The following RANBP17 variants were observed in gnomAD, a reference collection of about 807,000 sequenced individuals.
RANBP17 encodes the protein ran-binding protein 17.
A neutral mutation model predicts 141.2 loss-of-function variants in RANBP17; 158 were observed. The observed-to-expected ratio is 1.12, with a 90% CI of 0.98 to 1.28. The LOEUF (loss-of-function observed/expected upper bound fraction) is 1.28, where lower values mean the gene tolerates loss of function less well. Ranked by LOEUF, RANBP17 falls within the 50% of genes most tolerant of loss-of-function variation. RANBP17 has a pLI of 0.00. For missense variants in RANBP17, 1,438 were observed against 1,290.7 expected (o/e 1.11, Z -1.75); for synonymous variants, 430 against 450.0 (o/e 0.96, Z 0.56).
At chr5:170,917,493 G>A (rs79717145) in intron 9 of RANBP17, among the ~76,000 whole-genome samples, 1 of 152,138 alleles carries the variant, frequency 6.6e-6, no homozygotes, top group African/African-American at 2.4e-5. Context: ...ATTTTTAAAG[G>A]TTAAATGATT....
intron 13 of RANBP17, among the ~76,000 whole-genome samples, chr5:170,967,042 A>C (rs1040280366): frequency 1.3e-5 from 2 of 152,202 alleles, no homozygotes; most frequent in Admixed American, 1.3e-4. Flanking sequence ...ATGAAATAAA[A>C]GAGGATACAA....
At position 171,088,816 on chromosome 5, in the gene RANBP17, G is replaced by C. The variant is rs563839795; in HGVS notation, c.1711-81314G>C. On this transcript the variant is annotated intron_variant, in intron 14 of 27. Coordinates refer to ENST00000523189, the MANE Select transcript of RANBP17 (RefSeq NM_022897.5). ...CGAGCCTTGGTTTTCAGCTCCATCA[G>C]CTCCTTTAAGTACTTCTCTTTATTG... is the stretch of plus-strand genomic sequence containing the variant. Among the ~76,000 whole-genome samples the C allele has an allele frequency of 2.0e-5, 3 of 152,188 alleles. 1 individual carries two copies. In the South Asian group the frequency reaches 6.2e-4, roughly 32 times the overall value.
chr5:171,159,598 G>C (rs1302626024), intron 14 of RANBP17, among the ~76,000 whole-genome samples: 1 of 152,050 alleles, frequency 6.6e-6, no homozygotes, highest in Non-Finnish European at 1.5e-5. Context: ...TAGTGTTCTG[G>C]ACCCCCGTGT....
intron 20 of RANBP17, among the ~76,000 whole-genome samples, chr5:171,212,751 G>A (rs1469964664): frequency 2.0e-5 from 3 of 152,154 alleles, no homozygotes; most frequent in African/African-American, 7.2e-5. Flanking sequence ...CTTGAGGATT[G>A]GGAAAAGAAA....
chr5:171,246,945 G>C (rs1765247324), intron 24 of RANBP17, among the ~76,000 whole-genome samples: 1 of 152,074 alleles, frequency 6.6e-6, no homozygotes, highest in South Asian at 2.1e-4. Context: ...TATTCTACTT[G>C]GTTGTAAGCT....
At chr5:171,168,180 C>T (rs1759834655) in intron 14 of RANBP17, among the ~76,000 whole-genome samples, 2 of 152,102 alleles carry the variant, frequency 1.3e-5, no homozygotes, top group South Asian at 4.1e-4. Flanking sequence ...GTGAAAAGCG[C>T]CATGACAGAG....
intron 5 of RANBP17, among the ~76,000 whole-genome samples, chr5:170,896,600 CA>C (rs1367328194): frequency 6.6e-6 from 1 of 152,102 alleles, no homozygotes; most frequent in Non-Finnish European, 1.5e-5. Flanking sequence ...GAGACTGAGG[CA>C]GGGGGATCAC....
chr5:170,943,809 C>T (rs181248543), intron 12 of RANBP17, among the ~76,000 whole-genome samples: 4 of 151,982 alleles, frequency 2.6e-5, no homozygotes, highest in Non-Finnish European at 5.9e-5. Flanking sequence ...AAATACGTAG[C>T]GAAATGACTA....
At chr5:171,094,962 A>G (rs1454793565) in intron 14 of RANBP17, among the ~76,000 whole-genome samples, 2 of 152,156 alleles carry the variant, frequency 1.3e-5, no homozygotes, top group African/African-American at 4.8e-5. Flanking sequence ...TGGGTTGAAT[A>G]AAGTAAGTCC....
intron 1 of RANBP17, among the ~76,000 whole-genome samples, chr5:170,873,829 G>C (rs372755201): frequency 1.3e-5 from 2 of 151,808 alleles, no homozygotes; most frequent in South Asian, 4.1e-4. Context: ...AGGATTTTTC[G>C]TGTCTCTATC....
At chr5:171,054,558 A>G (rs1219253486) in intron 14 of RANBP17, among the ~76,000 whole-genome samples, 1 of 152,144 alleles carries the variant, frequency 6.6e-6, no homozygotes, top group Non-Finnish European at 1.5e-5. Context: ...AGCAGGGGTC[A>G]CTTTTATCAC....
chr5:171,147,014 G>T, intron 14 of RANBP17, among the ~76,000 whole-genome samples: 1 of 152,156 alleles, frequency 6.6e-6, no homozygotes, highest in Non-Finnish European at 1.5e-5. Flanking sequence ...TAGTAAATAT[G>T]TGTAAATTAC....
At chr5:170,986,335 G>C (rs1279726006) in intron 14 of RANBP17, among the ~76,000 whole-genome samples, 2 of 151,950 alleles carry the variant, frequency 1.3e-5, no homozygotes, top group African/African-American at 2.4e-5. Flanking sequence ...AGCATGTTTA[G>C]ATCTTTTTTG....
At chr5:171,290,453 T>G (rs780263613) in intron 25 of RANBP17, among the ~76,000 whole-genome samples, 3 of 152,142 alleles carry the variant, frequency 2.0e-5, no homozygotes, top group Non-Finnish European at 4.4e-5. Flanking sequence ...TGCTTGTGCT[T>G]TACATCCCAT....
intron 11 of RANBP17, among the ~76,000 whole-genome samples, chr5:170,920,677 C>A (rs1174541400): frequency 6.6e-6 from 1 of 151,974 alleles, no homozygotes; most frequent in Non-Finnish European, 1.5e-5. Flanking sequence ...GCCACGTTGT[C>A]TTCTACAATG....
At chr5:171,186,615 C>G (rs1272024818) in intron 18 of RANBP17, among the ~76,000 whole-genome samples, 7 of 124,832 alleles carry the variant, frequency 5.6e-5, no homozygotes, top group African/African-American at 2.2e-4. Context: ...CGGCTCACTG[C>G]AAGCTCCGCC....
intron 14 of RANBP17, among the ~76,000 whole-genome samples, chr5:171,114,589 A>T (rs893199968): frequency 1.3e-5 from 2 of 151,458 alleles, no homozygotes; most frequent in Non-Finnish European, 2.9e-5. Flanking sequence ...TTATCCAGCC[A>T]CAAAGAGGGA....
chr5:171,184,578 T>C (rs1158049273), intron 18 of RANBP17, among the ~76,000 whole-genome samples: 1 of 152,166 alleles, frequency 6.6e-6, no homozygotes, highest in Non-Finnish European at 1.5e-5. Flanking sequence ...AACAATATAT[T>C]GTATTCTTGA....
chr5:171,090,244 A>G (rs1484872648), intron 14 of RANBP17, among the ~76,000 whole-genome samples: 1 of 152,116 alleles, frequency 6.6e-6, no homozygotes, highest in African/African-American at 2.4e-5. Context: ...TCTCAGATGG[A>G]GATGAGGAAC....
Sources: gnomAD v4.1 joint callset for allele counts (sites outside exome capture counted in the v4.1 genomes callset) on GRCh38, gnomAD v4.1.1 for gene constraint, MANE v1.5 for transcripts, NCBI Gene and HGNC (gene_info 2026-07-23, HGNC 2026-07-21) for gene names.